Variants in CTNNA3 observed in about 807,000 individuals in gnomAD.
CTNNA3 encodes the protein catenin alpha-3.
Under a neutral mutation model 95.7 loss-of-function variants are expected in CTNNA3, and 76 were observed. That is an observed-to-expected ratio of 0.79 (90% CI 0.66 to 0.96). CTNNA3 has a LOEUF of 0.96. CTNNA3 is among the 40% of genes least tolerant of loss of function. The probability of loss-of-function intolerance (pLI) is 0.00; values close to 1 mark genes in which losing one functional copy is unlikely to be tolerated. For missense variants in CTNNA3, 1,191 were observed against 1,089.8 expected (o/e 1.09, Z -1.31); for synonymous variants, 431 against 374.4 (o/e 1.15, Z -1.74).
Position 67,008,680 on chromosome 10 carries a change from C to T in CTNNA3, c.1047+171637G>A, listed in dbSNP as rs115635734. Among the ~76,000 whole-genome samples, 881 of 152,210 alleles carry T rather than the reference C, an allele frequency of 5.8e-3. 10 individuals are homozygous for T. Among genetic ancestry groups the T allele is most frequent in the African/African-American group, 0.02 (838 of 41,526 alleles). On this transcript the variant is annotated intron_variant, in intron 7 of 17. Transcript: ENST00000433211. ...CTTACAAGCTTGTTGGATTTAGAAG[C>T]CCCAGCTAGGATAGCACATCTCTGC...
At chr10:67,322,181 T>C (rs1344342389) in intron 5 of CTNNA3, among the ~76,000 whole-genome samples, 1 of 152,218 alleles carries the variant, frequency 6.6e-6, no homozygotes, top group Non-Finnish European at 1.5e-5. Context: ...AGAAGTCTCA[T>C]ACGTGTGTTC....
rs569988471 is a variant in CTNNA3 at position 66,692,440 on chromosome 10, C to A, written c.1282-70656G>T. On this transcript the variant is annotated intron_variant, in intron 9 of 17. Transcript: ENST00000433211. ...AAGAACAAAAAGAAACGAACAAAGCCTCCAAGAAATATGGGACTATGTGAA... is the reference window on the plus strand; with the variant it reads ...AAGAACAAAAAGAAACGAACAAAGCATCCAAGAAATATGGGACTATGTGAA... Among the ~76,000 whole-genome samples the A allele has an allele frequency of 2.6e-5, 4 of 152,236 alleles. No individual in the cohort carries two copies. The South Asian group carries it at 8.3e-4, about 32-fold the overall frequency.
chr10:65,961,698 T>G (rs1366743328), intron 17 of CTNNA3, among the ~76,000 whole-genome samples: 1 of 151,968 alleles, frequency 6.6e-6, no homozygotes, highest in African/African-American at 2.4e-5. Flanking sequence ...AAAATTTATA[T>G]TTTGTAGCAT....
chr10:66,548,771 A>C (rs116074859), intron 10 of CTNNA3, among the ~76,000 whole-genome samples: 2,011 of 152,092 alleles, frequency 0.013, 45 homozygotes, highest in African/African-American at 0.046. Context: ...CTTCCTGAAA[A>C]ATATGTATCT....
At chr10:65,929,360 C>G (rs1322005849) in intron 17 of CTNNA3, among the ~76,000 whole-genome samples, 3 of 152,098 alleles carry the variant, frequency 2.0e-5, no homozygotes, top group African/African-American at 7.2e-5. Context: ...AGTCGACAAC[C>G]TGTGTTTGAG....
chr10:66,256,486 G>A (rs563528799), intron 13 of CTNNA3, among the ~76,000 whole-genome samples: 5 of 150,790 alleles, frequency 3.3e-5, no homozygotes, highest in East Asian at 1.9e-4. Context: ...TTGGGAGGCC[G>A]AGGCGGGTGG....
intron 5 of CTNNA3, among the ~76,000 whole-genome samples, chr10:67,440,285 C>G (rs1256454869): frequency 6.6e-6 from 1 of 152,122 alleles, no homozygotes; most frequent in Non-Finnish European, 1.5e-5. Flanking sequence ...GTGGGAAGGA[C>G]TTTGTCTTGT....
chr10:67,104,757 C>T (rs1233739337), intron 7 of CTNNA3, among the ~76,000 whole-genome samples: 1 of 151,980 alleles, frequency 6.6e-6, no homozygotes, highest in Non-Finnish European at 1.5e-5. Context: ...CTATAATACA[C>T]ACAGCATTCA....
intron 13 of CTNNA3, among the ~76,000 whole-genome samples, chr10:66,243,276 G>A (rs900079776): frequency 1.3e-5 from 2 of 152,178 alleles, no homozygotes; most frequent in Non-Finnish European, 2.9e-5. Context: ...GCTGCCTCTT[G>A]TGGGGAAAAT....
intron 7 of CTNNA3, among the ~76,000 whole-genome samples, chr10:67,010,064 CTTT>C (rs1852226011): frequency 1.3e-5 from 2 of 152,220 alleles, no homozygotes; most frequent in African/African-American, 4.8e-5. Flanking sequence ...AGTCAGGGCT[CTTT>C]AGAACCTTCA....
chr10:66,267,847 T>G (rs1377509217), intron 13 of CTNNA3, among the ~76,000 whole-genome samples: 1 of 152,132 alleles, frequency 6.6e-6, no homozygotes, highest in Non-Finnish European at 1.5e-5. Context: ...GCTTAATATC[T>G]TAAATTGGCA....
Position 66,685,232 on chromosome 10 carries a change from TATATATGTGTGTATATATAC to T in CTNNA3, c.1282-63468_1282-63449del, listed in dbSNP as rs1255763196. On this transcript the variant is annotated intron_variant, in intron 9 of 17. Coordinates refer to ENST00000433211, the MANE Select transcript of CTNNA3 (RefSeq NM_013266.4). ...GTATATATATGTGTATATATATACG[TATATATGTGTGTATATATAC>T]GTATATATGTGTGTATATATACGTA... Among the ~76,000 whole-genome samples, 48 of 141,184 alleles carry T rather than the reference TATATATGTGTGTATATATAC, an allele frequency of 3.4e-4. No homozygotes were observed. The East Asian group carries it at 7.9e-3, about 23-fold the overall frequency. The allele number at this position is 141,184 out of a possible 152,430, so 92.6% of individuals were successfully genotyped here.
At chr10:66,422,861 C>T (rs1452631358) in intron 11 of CTNNA3, among the ~76,000 whole-genome samples, 1 of 132,572 alleles carries the variant, frequency 7.5e-6, no homozygotes, top group South Asian at 2.6e-4. Context: ...AACCCCTGAC[C>T]TCAAGTGATC....
At chr10:67,224,540 G>A (rs1864804015) in intron 5 of CTNNA3, among the ~76,000 whole-genome samples, 1 of 152,194 alleles carries the variant, frequency 6.6e-6, no homozygotes, top group Non-Finnish European at 1.5e-5. Context: ...AATACTGTGA[G>A]TGCCCCAACT....
intron 11 of CTNNA3, among the ~76,000 whole-genome samples, chr10:66,462,454 A>G (rs1027873762): frequency 2.0e-5 from 3 of 152,092 alleles, no homozygotes; most frequent in African/African-American, 7.2e-5. Flanking sequence ...TAATATCATT[A>G]TAATTTTAAT....
intron 13 of CTNNA3, among the ~76,000 whole-genome samples, chr10:66,119,337 A>T (rs2133810234): frequency 6.6e-6 from 1 of 152,300 alleles, no homozygotes; most frequent in East Asian, 1.9e-4. Context: ...GTAAGATGAA[A>T]TTGTTAAATT....
At chr10:66,500,854 G>A (rs905037144) in intron 11 of CTNNA3, among the ~76,000 whole-genome samples, 2 of 152,036 alleles carry the variant, frequency 1.3e-5, no homozygotes, top group East Asian at 3.9e-4. Context: ...TAGGGTAGTT[G>A]GTCTGGATGT....
intron 7 of CTNNA3, among the ~76,000 whole-genome samples, chr10:67,154,790 C>A (rs547329379): frequency 6.6e-6 from 1 of 152,256 alleles, no homozygotes; most frequent in East Asian, 1.9e-4. Flanking sequence ...TCTCATCTAA[C>A]ACTATATGCC....
chr10:66,572,222 A>ATGAGTGAG (rs1564541081), intron 10 of CTNNA3, among the ~76,000 whole-genome samples: 21 of 151,526 alleles, frequency 1.4e-4, no homozygotes, highest in African/African-American at 4.9e-4. Context: ...GTCTCTACTA[A>ATGAGTGAG]AAATACAAAA....
Sources: gnomAD v4.1 joint callset for allele counts (sites outside exome capture counted in the v4.1 genomes callset) on GRCh38, gnomAD v4.1.1 for gene constraint, MANE v1.5 for transcripts, NCBI Gene and HGNC (gene_info 2026-07-23, HGNC 2026-07-21) for gene names.